The following RBFOX1 variants were observed in gnomAD, a reference collection of about 807,000 sequenced individuals.
RBFOX1 encodes RNA binding protein fox-1 homolog 1.
In RBFOX1, 8 loss-of-function variants were observed where a neutral mutation model predicts 57.7. The observed-to-expected ratio is 0.14, with a 90% confidence interval of 0.08 to 0.25. The LOEUF is 0.25. Among genes scored for constraint, RBFOX1 ranks in the 10% least tolerant of loss-of-function variants. RBFOX1 has a pLI of 1.00. For synonymous variants in RBFOX1, 326 were observed against 222.4 expected (o/e 1.47, Z -4.15); for missense variants, 611 against 548.5 (o/e 1.11, Z -1.14).
At chr16:5,847,110 A>C (rs1362878178) in intron 3 of RBFOX1, among the ~76,000 whole-genome samples, 1 of 152,202 alleles carries the variant, frequency 6.6e-6, no homozygotes, top group Non-Finnish European at 1.5e-5. Flanking sequence ...TGCAAGGGCC[A>C]GGCTGTTCTC....
intron 4 of RBFOX1, among the ~76,000 whole-genome samples, chr16:7,158,340 T>C (rs925521440): frequency 2.4e-4 from 37 of 152,258 alleles, no homozygotes; most frequent in African/African-American, 8.4e-4. Context: ...GAGTGAACTC[T>C]GTCTCAAAAG....
intron 4 of RBFOX1, among the ~76,000 whole-genome samples, chr16:7,501,527 A>G (rs1326215568): frequency 6.6e-6 from 1 of 152,210 alleles, no homozygotes; most frequent in Non-Finnish European, 1.5e-5. Context: ...TTTACAATCC[A>G]GTAGCCTCCA....
intron 4 of RBFOX1, among the ~76,000 whole-genome samples, chr16:7,179,756 A>G (rs1301417026): frequency 1.3e-5 from 2 of 151,964 alleles, no homozygotes; most frequent in African/African-American, 4.8e-5. Flanking sequence ...TTTGTTTGAG[A>G]TGGAGTCTTG....
chr16:7,458,477 C>T (rs889182224), intron 4 of RBFOX1, among the ~76,000 whole-genome samples: 1 of 152,156 alleles, frequency 6.6e-6, no homozygotes, highest in Non-Finnish European at 1.5e-5. Flanking sequence ...CCATGCCTCT[C>T]TAGCTGCTGT....
chr16:7,699,211 AGG>A (rs2079824382), intron 14 of RBFOX1, among the ~76,000 whole-genome samples: 3 of 152,200 alleles, frequency 2.0e-5, no homozygotes, highest in African/African-American at 4.8e-5. Flanking sequence ...TCTTTGAGAT[AGG>A]GTCTCTGTCA....
intron 3 of RBFOX1, among the ~76,000 whole-genome samples, chr16:6,990,324 A>C (rs2153609592): frequency 6.6e-6 from 1 of 152,248 alleles, no homozygotes; most frequent in African/African-American, 2.4e-5. Flanking sequence ...CAGGAGTTCG[A>C]GACCAGCCTG....
At chr16:5,642,112 T>C (rs7194899) in intron 3 of RBFOX1, among the ~76,000 whole-genome samples, 8,520 of 152,120 alleles carry the variant, frequency 0.056, 671 homozygotes, top group African/African-American at 0.17. Flanking sequence ...AGCTGGGAGT[T>C]TATTCTGCCT....
At chr16:6,489,962 T>A (rs1045357939) in intron 2 of RBFOX1, among the ~76,000 whole-genome samples, 1 of 152,196 alleles carries the variant, frequency 6.6e-6, no homozygotes, top group Non-Finnish European at 1.5e-5. Context: ...TAAGGTGTCT[T>A]CAAGAAACTT....
At chr16:6,819,700 TGA>T (rs1567396093) in intron 3 of RBFOX1, among the ~76,000 whole-genome samples, 1 of 59,996 alleles carries the variant, frequency 1.7e-5, no homozygotes, top group Non-Finnish European at 2.8e-5. Context: ...AGTGAAACTC[TGA>T]CTCAAAAAAA....
chr16:6,960,592 C>G (rs28663385), intron 3 of RBFOX1, among the ~76,000 whole-genome samples: 1,706 of 152,196 alleles, frequency 0.011, 36 homozygotes, highest in African/African-American at 0.038. Context: ...CTTCCAAACT[C>G]TGCAGAGGAG....
At chr16:7,398,893 G>A (rs1407083012) in intron 4 of RBFOX1, among the ~76,000 whole-genome samples, 1 of 152,144 alleles carries the variant, frequency 6.6e-6, no homozygotes, top group Non-Finnish European at 1.5e-5. Context: ...CATTCATACG[G>A]CTACTGTAAC....
intron 4 of RBFOX1, among the ~76,000 whole-genome samples, chr16:7,353,469 A>C (rs2097162708): frequency 6.6e-6 from 1 of 152,216 alleles, no homozygotes; most frequent in African/African-American, 2.4e-5. Flanking sequence ...TATATATTCA[A>C]GATAATTAAA....
intron 1 of RBFOX1, among the ~76,000 whole-genome samples, chr16:5,276,942 GTATC>G (rs1416301664): frequency 6.6e-6 from 1 of 152,106 alleles, no homozygotes. Flanking sequence ...CCACTACTAA[GTATC>G]TACCCAGAGA....
intron 3 of RBFOX1, among the ~76,000 whole-genome samples, chr16:6,692,973 A>G (rs1869447133): frequency 6.6e-6 from 1 of 151,528 alleles, no homozygotes; most frequent in South Asian, 2.1e-4. Flanking sequence ...CATCACCGGC[A>G]TCATTATCAC....
intron 4 of RBFOX1, among the ~76,000 whole-genome samples, chr16:5,915,560 C>T (rs189838487): frequency 1.2e-4 from 18 of 152,056 alleles, no homozygotes; most frequent in East Asian, 7.8e-4. Context: ...GGCTGGGCGC[C>T]GTGGCTCATG....
intron 4 of RBFOX1, among the ~76,000 whole-genome samples, chr16:5,934,722 A>G (rs935190208): frequency 1.3e-5 from 2 of 152,212 alleles, no homozygotes; most frequent in Non-Finnish European, 2.9e-5. Flanking sequence ...AATATGTATA[A>G]TTATTACGTG....
chr16:5,288,249 C>A (rs972763676), intron 1 of RBFOX1, among the ~76,000 whole-genome samples: 2 of 152,174 alleles, frequency 1.3e-5, no homozygotes, highest in Non-Finnish European at 2.9e-5. Flanking sequence ...TATATATAGT[C>A]TTTTACATGC....
chr16:5,471,175 C>T (rs8182126), intron 2 of RBFOX1, among the ~76,000 whole-genome samples: 107,093 of 151,818 alleles, frequency 0.71, 38,062 homozygotes, highest in Non-Finnish European at 0.75. Context: ...CTCGGCTTTC[C>T]CAGATCCACA....
chr16:7,281,517 C>G (rs2095543212), intron 4 of RBFOX1, among the ~76,000 whole-genome samples: 1 of 152,074 alleles, frequency 6.6e-6, no homozygotes, highest in Non-Finnish European at 1.5e-5. Context: ...TGCACACATA[C>G]ACACACAAAG....
Sources: allele counts gnomAD v4.1 joint callset (sites outside exome capture counted in the v4.1 genomes callset), GRCh38; gene constraint gnomAD v4.1.1; transcripts MANE v1.5; gene names NCBI Gene and HGNC (gene_info 2026-07-23, HGNC 2026-07-21).